HDAC9: variants seen among roughly 807,000 people sequenced by gnomAD.
HDAC9 encodes the protein histone deacetylase 9, also known as MEF-2 interacting transcription repressor (MITR) protein.
HDAC9 carries 41 observed loss-of-function variants against 139.4 expected under a neutral mutation model. The ratio of observed to expected loss-of-function variants is 0.29; its 90% confidence interval spans 0.23 to 0.38. The LOEUF (loss-of-function observed/expected upper bound fraction) is 0.38. HDAC9 is among the 10% of genes least tolerant of loss of function. The pLI is 1.00. For synonymous variants in HDAC9, 517 were observed against 476.2 expected, an observed-to-expected ratio of 1.09 and a Z score of -1.12; for missense variants, 1,147 against 1,297.0, an observed-to-expected ratio of 0.88 and a Z score of 1.78.
chr7:18,481,859 A>G (rs181328579), intron 1 of HDAC9, among the ~76,000 whole-genome samples: 6 of 152,192 alleles, frequency 3.9e-5, no homozygotes, highest in African/African-American at 1.4e-4. Context: ...TCAGTTCTGG[A>G]TGGGCCACAG....
In HDAC9 at chr7:18,590,482, A is replaced by G. The variant is rs760710927; in HGVS notation, c.411A>G (p.Arg137=). ...CTCTCAGAGGCAAAGATAGAGGACG[A>G]GAAAGTAAGAGGCACCAGGGTAAAC... ...LPPLRGKDRG[R]ERAVASTEVK... Residue 137 remains arginine (R), a synonymous_variant, in exon 4 of 26, where the codon CGA becomes CGG. Transcript: ENST00000686413. The G allele has an allele frequency of 6.3e-7, 1 of 1,594,028 alleles. No homozygotes were observed. Among genetic ancestry groups the G allele is most frequent in the East Asian group, 2.3e-5 (1 of 43,982 alleles).
At chr7:18,347,689 C>A (rs1782526584) in intron 1 of HDAC9, among the ~76,000 whole-genome samples, 1 of 152,072 alleles carries the variant, frequency 6.6e-6, no homozygotes, top group South Asian at 2.1e-4. Flanking sequence ...CCTCTGCCTC[C>A]CAGATTTAAG....
intron 1 of HDAC9, among the ~76,000 whole-genome samples, chr7:18,360,022 C>T (rs1430118625): frequency 2.0e-5 from 3 of 152,142 alleles, no homozygotes; most frequent in Non-Finnish European, 4.4e-5. Context: ...TGCCACAGGA[C>T]ACGGTTACCT....
At chr7:18,324,861 G>A (rs574298741) in intron 1 of HDAC9, among the ~76,000 whole-genome samples, 9 of 152,212 alleles carry the variant, frequency 5.9e-5, no homozygotes, top group East Asian at 3.9e-4. Context: ...GACATGAGAC[G>A]TCCTCACCAA....
intron 12 of HDAC9, among the ~76,000 whole-genome samples, chr7:18,717,431 CTTTTT>C (rs59746761): frequency 2.2e-5 from 3 of 137,246 alleles, no homozygotes; most frequent in Non-Finnish European, 1.6e-5. Flanking sequence ...TTACAATTTC[CTTTTT>C]TTTTTTTTTT....
At chr7:18,092,052 T>A (rs1313543036) in intron 1 of HDAC9, among the ~76,000 whole-genome samples, 4 of 152,054 alleles carry the variant, frequency 2.6e-5, no homozygotes, top group Admixed American at 2.6e-4. Context: ...TCCTTGGAGG[T>A]CAGCTTAGGG....
chr7:18,535,068 C>T (rs572959006), intron 2 of HDAC9, among the ~76,000 whole-genome samples: 6 of 152,274 alleles, frequency 3.9e-5, no homozygotes, highest in African/African-American at 1.2e-4. Context: ...GCAGTTACTT[C>T]GGGTTGTGCT....
intron 12 of HDAC9, among the ~76,000 whole-genome samples, chr7:18,698,203 C>A (rs1196970005): frequency 1.3e-5 from 2 of 152,154 alleles, no homozygotes. Context: ...CCCCCTACAC[C>A]AAATGCCTAA....
At chr7:18,273,014 C>CT (rs1276143784) in intron 2 of HDAC9, among the ~76,000 whole-genome samples, 1,429 of 139,902 alleles carry the variant, frequency 0.01, 34 homozygotes, top group African/African-American at 0.036. Flanking sequence ...CTTCTTCTTC[C>CT]TCCTCCTCCT....
chr7:18,872,436 T>C (rs1798997410), intron 21 of HDAC9, among the ~76,000 whole-genome samples: 1 of 152,164 alleles, frequency 6.6e-6, no homozygotes, highest in African/African-American at 2.4e-5. Context: ...GGGTAAGATG[T>C]CTTTATTAAC....
At chr7:18,338,383 C>A (rs575392079) in intron 1 of HDAC9, among the ~76,000 whole-genome samples, 2 of 151,492 alleles carry the variant, frequency 1.3e-5, no homozygotes, top group Non-Finnish European at 3.0e-5. Context: ...GTCTCTTTTT[C>A]CTTAATGTTT....
chr7:18,676,241 G>T (rs1781499185), intron 12 of HDAC9, among the ~76,000 whole-genome samples: 1 of 151,910 alleles, frequency 6.6e-6, no homozygotes, highest in African/African-American at 2.4e-5. Context: ...AAATTTAGCA[G>T]TGCGGGGTTG....
At chr7:18,174,281 C>G (rs1446994617) in intron 2 of HDAC9, among the ~76,000 whole-genome samples, 1 of 152,152 alleles carries the variant, frequency 6.6e-6, no homozygotes, top group Non-Finnish European at 1.5e-5. Flanking sequence ...GTTCTCATTC[C>G]ATGGTTTTCA....
chr7:18,618,648 A>T (rs2695023), intron 6 of HDAC9, among the ~76,000 whole-genome samples: 107,821 of 149,756 alleles, frequency 0.72, 39,431 homozygotes, highest in African/African-American at 0.86. Flanking sequence ...TTAAAACATT[A>T]TATATCCACA....
intron 2 of HDAC9, among the ~76,000 whole-genome samples, chr7:18,173,795 G>GT (rs1300044970): frequency 1.3e-5 from 2 of 152,186 alleles, no homozygotes; most frequent in African/African-American, 4.8e-5. Flanking sequence ...GGCTTGTAGG[G>GT]TTTCTGTAGA....
At chr7:18,431,882 G>C (rs1790704980) in intron 1 of HDAC9, among the ~76,000 whole-genome samples, 1 of 152,158 alleles carries the variant, frequency 6.6e-6, no homozygotes, top group African/African-American at 2.4e-5. Flanking sequence ...GGTATCTGTA[G>C]AAAGAACACT....
At chr7:18,915,691 T>C (rs932211574) in intron 22 of HDAC9, among the ~76,000 whole-genome samples, 4 of 150,762 alleles carry the variant, frequency 2.7e-5, no homozygotes, top group African/African-American at 2.4e-5. Flanking sequence ...ACCCCGCATG[T>C]GTTCTGAATC....
At chr7:18,835,383 G>T (rs1289837685) in intron 19 of HDAC9, 84 bp from the exon 20 acceptor site, 41 of 1,379,992 alleles carry the variant, frequency 3.0e-5, no homozygotes, top group Non-Finnish European at 3.1e-5. Flanking sequence ...GTGGTAGAAA[G>T]ACAGGGAACT....
intron 1 of HDAC9, among the ~76,000 whole-genome samples, chr7:18,406,876 C>T (rs1350944015): frequency 6.6e-6 from 1 of 151,858 alleles, no homozygotes; most frequent in Non-Finnish European, 1.5e-5. Context: ...TCTCTTTATA[C>T]ACATAAAGAT....
Sources: gnomAD v4.1 joint callset for allele counts (sites outside exome capture counted in the v4.1 genomes callset) on GRCh38, gnomAD v4.1.1 for gene constraint, MANE v1.5 for transcripts, NCBI Gene and HGNC (gene_info 2026-07-23, HGNC 2026-07-21) for gene names.